PKIG: variants seen among roughly 807,000 people sequenced by gnomAD.
PKIG encodes protein kinase (cAMP-dependent, catalytic) inhibitor gamma.
A neutral mutation model predicts 6.8 loss-of-function variants in PKIG; 1 was observed. That is an observed-to-expected ratio of 0.15 (90% confidence interval 0.05 to 0.69). PKIG has a LOEUF of 0.69. Among genes scored for constraint, PKIG ranks in the 30% least tolerant of loss-of-function variants. The pLI, the probability that PKIG is intolerant of heterozygous loss-of-function variation, is 0.82. For missense variants in PKIG, 77 were observed against 104.0 expected, an observed-to-expected ratio of 0.74 and a Z score of 1.13; for synonymous variants, 39 against 43.0, an observed-to-expected ratio of 0.91 and a Z score of 0.36.
chr20:44,555,025 ATTTTAATATCTG>A (rs2064701426), intron 1 of PKIG, among the ~76,000 whole-genome samples: 1 of 152,126 alleles, frequency 6.6e-6, no homozygotes, highest in African/African-American at 2.4e-5. Context: ...TAAGTGTCCT[ATTTTAATATCTG>A]TTTTAATATC....
intron 3 of PKIG, among the ~76,000 whole-genome samples, chr20:44,617,395 A>C (rs1201094534): frequency 6.6e-6 from 1 of 152,140 alleles, no homozygotes. Flanking sequence ...CCTGTTTATC[A>C]TGCAGCCTGA....
At chr20:44,580,206 ATTC>A (rs2064935719), upstream of PKIG, among the ~76,000 whole-genome samples, 1 of 151,966 alleles carries the variant, frequency 6.6e-6, no homozygotes, top group African/African-American at 2.4e-5. Context: ...TAAGGCTGTT[ATTC>A]TTCTCATTTT....
intron 1 of PKIG, among the ~76,000 whole-genome samples, chr20:44,555,205 AT>A (rs1299933231): frequency 8.0e-4 from 122 of 152,328 alleles, no homozygotes; most frequent in African/African-American, 2.4e-3. Context: ...AAATGTTTTA[AT>A]TTCAATTGAA....
In PKIG at chr20:44,618,581, C is replaced by T. The variant is rs1009276633; in HGVS notation, c.*217C>T. The T allele has an allele frequency of 3.9e-6, 2 of 506,584 alleles. No homozygotes were observed. Among genetic ancestry groups the T allele is most frequent in the Non-Finnish European group, 7.2e-6 (2 of 277,618 alleles). The allele number at this position is 506,584 out of a possible 1,614,324, so 31.4% of individuals were successfully genotyped here. Reference sequence around the variant, plus strand: ...ACATTCCCACCACCTTCGCACCGTGCCCAGGTACACTTTCAAGACACTGTA... The same window carrying T: ...ACATTCCCACCACCTTCGCACCGTGTCCAGGTACACTTTCAAGACACTGTA... On this transcript the variant is annotated 3_prime_UTR_variant, in exon 4 of 4. Transcript: ENST00000372886.
chr20:44,544,935 T>C (rs1246057053), intron 1 of PKIG, among the ~76,000 whole-genome samples: 1 of 113,096 alleles, frequency 8.8e-6, no homozygotes, highest in African/African-American at 3.5e-5. Context: ...CTTTTTTTTT[T>C]TTTTTTTTTT....
chr20:44,604,220 C>T (rs2065145319), intron 2 of PKIG, among the ~76,000 whole-genome samples: 1 of 152,196 alleles, frequency 6.6e-6, no homozygotes, highest in Non-Finnish European at 1.5e-5. Flanking sequence ...TGCAGGATGC[C>T]TTCTTAAAGA....
intron 1 of PKIG, among the ~76,000 whole-genome samples, chr20:44,566,652 C>T (rs1444730426): frequency 6.6e-6 from 1 of 152,130 alleles, no homozygotes; most frequent in Non-Finnish European, 1.5e-5. Flanking sequence ...TCGAGACCAG[C>T]CTGGCCAACA....
At chr20:44,590,705 C>T (rs2065026882) in intron 2 of PKIG, among the ~76,000 whole-genome samples, 1 of 152,164 alleles carries the variant, frequency 6.6e-6, no homozygotes, top group African/African-American at 2.4e-5. Flanking sequence ...TTGGCCTACA[C>T]CCACCTGGAC....
At chr20:44,563,748 C>G (rs2064787571) in intron 1 of PKIG, among the ~76,000 whole-genome samples, 1 of 152,058 alleles carries the variant, frequency 6.6e-6, no homozygotes, top group Admixed American at 6.6e-5. Flanking sequence ...CCAGACTGGT[C>G]TAAAACTCCT....
chr20:44,532,579 C>T (rs1238268781), intron 1 of PKIG, among the ~76,000 whole-genome samples: 2 of 152,134 alleles, frequency 1.3e-5, no homozygotes, highest in African/African-American at 4.8e-5. Context: ...CACAGTTTTC[C>T]GGAGGAGACA....
At position 44,564,637 on chromosome 20, in the gene PKIG, G is replaced by A. The variant is rs149657217; in HGVS notation, c.-240-17948G>A. ...TTCCACAGCGAGAATCAGAGCTCCT[G>A]GGCTCAAGCCTCCTGCCTCAGCCTC... is the stretch of plus-strand genomic sequence containing the variant. On this transcript the variant is annotated intron_variant, in intron 1 of 4. Coordinates refer to the PKIG transcript ENST00000372887. 2.0e-5 allele frequency among the ~76,000 whole-genome samples: 3 copies of A among 152,214 alleles called. No homozygotes were observed. The East Asian group carries it at 5.8e-4, about 29-fold the overall frequency.
intron 1 of PKIG, among the ~76,000 whole-genome samples, chr20:44,583,056 C>T (rs973219593): frequency 2.0e-5 from 3 of 152,116 alleles, no homozygotes; most frequent in Admixed American, 6.5e-5. Flanking sequence ...CTAAGAAATT[C>T]GTGTTTGTAA....
intron 2 of PKIG, among the ~76,000 whole-genome samples, chr20:44,592,860 A>G (rs1255636075): frequency 2.0e-5 from 3 of 152,218 alleles, no homozygotes; most frequent in Non-Finnish European, 2.9e-5. Context: ...CAATATTGTC[A>G]AAATGTCCAT....
At chr20:44,566,788 G>C (rs898444388) in intron 1 of PKIG, among the ~76,000 whole-genome samples, 1 of 152,200 alleles carries the variant, frequency 6.6e-6, no homozygotes, top group Admixed American at 6.5e-5. Context: ...AGAGGTTACA[G>C]TGAGCCAAGA....
chr20:44,554,076 AT>A (rs3092226), intron 1 of PKIG, among the ~76,000 whole-genome samples: 1,763 of 147,642 alleles, frequency 0.012, 18 homozygotes, highest in East Asian at 0.068. Flanking sequence ...TTAAAAAAAA[AT>A]TTTTTTTTTT....
chr20:44,610,111 C>G (rs1284429948), intron 2 of PKIG, among the ~76,000 whole-genome samples: 2 of 152,184 alleles, frequency 1.3e-5, no homozygotes, highest in African/African-American at 4.8e-5. Flanking sequence ...CAAGGAGGAG[C>G]CAGAGCGTGA....
At chr20:44,548,854 CCACA>C (rs11469110) in intron 1 of PKIG, among the ~76,000 whole-genome samples, 14,735 of 135,478 alleles carry the variant, frequency 0.11, 828 homozygotes, top group East Asian at 0.22. Flanking sequence ...ACTCCTCCCA[CCACA>C]CACACACACA....
At chr20:44,612,728 G>C (rs1039523738) in intron 2 of PKIG, among the ~76,000 whole-genome samples, 4 of 152,136 alleles carry the variant, frequency 2.6e-5, no homozygotes, top group Admixed American at 1.3e-4. Flanking sequence ...TGCTATTTGG[G>C]AAGGCAACTG....
At chr20:44,602,866 A>G (rs1169478923) in intron 2 of PKIG, among the ~76,000 whole-genome samples, 1 of 151,374 alleles carries the variant, frequency 6.6e-6, no homozygotes, top group Non-Finnish European at 1.5e-5. Flanking sequence ...AGACTGGAAG[A>G]CTTGGAGATC....
Sources: gnomAD v4.1 joint callset for allele counts (sites outside exome capture counted in the v4.1 genomes callset) on GRCh38, gnomAD v4.1.1 for gene constraint, MANE v1.5 for transcripts, NCBI Gene and HGNC (gene_info 2026-07-23, HGNC 2026-07-21) for gene names.